TM9SF1: variants seen among roughly 807,000 people sequenced by gnomAD.
The protein encoded by TM9SF1 is transmembrane 9 superfamily member 1, also known as MP70 protein family member.
In TM9SF1, 25 loss-of-function variants were observed where a neutral mutation model predicts 52.4. That is an observed-to-expected ratio of 0.48 (90% CI 0.35 to 0.67). The LOEUF is 0.67. Among genes scored for constraint, TM9SF1 ranks in the 30% least tolerant of loss-of-function variants. TM9SF1 has a pLI of 0.01. For synonymous variants in TM9SF1, 284 were observed against 299.8 expected (o/e 0.95, Z 0.55); for missense variants, 604 against 780.3 (o/e 0.77, Z 2.69).
chr14:24,194,403 A>G lies in TM9SF1; in HGVS notation c.345+272T>C, dbSNP rs186291346. On this transcript the variant is annotated intron_variant, in intron 2 of 5. Transcript: ENST00000261789. ...GACTGATAGTTGGGACCTCATGACCAACAGAGAAGCTTGCAGTAAGAAACC... is the reference window on the plus strand; with the variant it reads ...GACTGATAGTTGGGACCTCATGACCGACAGAGAAGCTTGCAGTAAGAAACC... Among the ~76,000 whole-genome samples the G allele has an allele frequency of 4.1e-4, 62 of 152,366 alleles. 1 individual carries two copies. Among genetic ancestry groups the G allele is most frequent in the Non-Finnish European group, 7.9e-4 (54 of 68,034 alleles).
Position 24,192,769 on chromosome 14 carries a change from G to A in TM9SF1, c.846C>T (p.Asp282=). The A allele has an allele frequency of 6.2e-7, 1 of 1,614,188 alleles. No homozygotes were observed. Residue 282 remains aspartate (D), a synonymous_variant, in exon 3 of 6, where the codon GAC becomes GAT. Coordinates refer to ENST00000261789, the MANE Select transcript of TM9SF1 (RefSeq NM_006405.7). The surrounding 1 kb of genome is among the most constrained non-coding windows in gnomAD (Gnocchi z 4.0). Reference sequence around the variant, plus strand: ...TCCAGCCATTGTCACCCTGGTCAAAGTCATCACCAGAACCTGCAGAGGTGG... The same window carrying A: ...TCCAGCCATTGTCACCCTGGTCAAAATCATCACCAGAACCTGCAGAGGTGG... ...EETTSAGSGD[D]FDQGDNGWKI... is the part of the protein sequence containing the mutation.
chr14:24,192,083 A>AT lies in TM9SF1; in HGVS notation c.1153+87dup. The stretch of plus-strand genomic sequence containing the variant: ...GGCCTCGGTCTCCCAAAGTGCTAGG[A>AT]TTACAGGTGTGAGCCACTGTGACCA... On this transcript the variant is annotated intron_variant, in intron 4 of 5. Transcript: ENST00000261789. The surrounding 1 kb of genome is among the most constrained non-coding windows in gnomAD (Gnocchi z 4.0). The AT allele has an allele frequency of 2.9e-6, 4 of 1,369,720 alleles. No individual in the cohort carries two copies. Among genetic ancestry groups the AT allele is most frequent in the Non-Finnish European group, 3.1e-6 (3 of 965,240 alleles). 84.8% of individuals were successfully genotyped at this position (1,369,720 alleles called of 1,614,324 possible).
At chr14:24,193,953 T>C (rs1269003797) in intron 2 of TM9SF1, among the ~76,000 whole-genome samples, 2 of 146,782 alleles carry the variant, frequency 1.4e-5, no homozygotes, top group Non-Finnish European at 3.0e-5. Context: ...ATTACAGGAG[T>C]GAGCCACCAC....
rs2039337260 is a variant in TM9SF1, at chr14:24,192,518, G to C, written c.967+130C>G. The C allele has an allele frequency of 7.2e-7, 1 of 1,397,206 alleles. No homozygotes were observed. The highest frequency in any genetic ancestry group is 1.3e-5 in the South Asian group (1 of 74,534). 86.6% of individuals were successfully genotyped at this position (1,397,206 alleles called of 1,614,324 possible). ...TCTACAATAGAATACGTGCATTCTT[G>C]CTAGAGCCACCCTATCCCTTAGGTC... is the stretch of plus-strand genomic sequence containing the variant. On this transcript the variant is annotated intron_variant, in intron 3 of 5. Transcript: ENST00000261789. This position sits in a 1 kb window ranked among gnomAD's most constrained non-coding sequence, Gnocchi z 4.0.
At chr14:24,190,274 C>A in intron 5 of TM9SF1, 106 bp downstream of exon 5, 38 of 1,509,998 alleles carry the variant, frequency 2.5e-5, no homozygotes, top group Non-Finnish European at 3.0e-5. Context: ...AATGGTACCA[C>A]TGAACCAGGG....
At position 24,189,503 on chromosome 14, in the gene TM9SF1, TAACC is replaced by T; in HGVS notation, c.1729_1732del (p.Gly577MetfsTer16). ...GGTGCCCAGCATGAGGAAGAAGACATAACCAGTGAGTAAGGAGTAGCCGAAGAAC... is the reference window on the plus strand; with the variant it reads ...GGTGCCCAGCATGAGGAAGAAGACATAGTGAGTAAGGAGTAGCCGAAGAAC... On this transcript the variant is annotated frameshift_variant, in exon 6 of 6. Transcript: ENST00000261789. LOFTEE classifies it high-confidence loss of function. 1 of 1,614,082 alleles carries T rather than the reference TAACC, an allele frequency of 6.2e-7. No homozygotes were observed. Among genetic ancestry groups the T allele is most frequent in the South Asian group, 1.1e-5 (1 of 91,076 alleles).
chr14:24,193,303 G>C (rs564725965), intron 2 of TM9SF1, 34 bp from the exon 3 acceptor site: 2 of 1,555,644 alleles, frequency 1.3e-6, no homozygotes, highest in Non-Finnish European at 1.7e-6. Context: ...GGTCACACAA[G>C]ATCTCCCCAG....
rs1006689140 is a variant in TM9SF1, at chr14:24,192,712, G to A, written c.903C>T (p.Pro301=). ...CAGCACAGAGCAGACCACGGTATGG[G>A]GGGAAGCGGAAGACATCTGTATGGA... is the stretch of plus-strand genomic sequence containing the variant. ...KIIHTDVFRF[P]PYRGLLCAVL... The change falls in exon 3 of 6, where the codon CCC becomes CCT. Residue 301 remains proline (P), a synonymous_variant. Transcript: ENST00000261789. This position sits in a 1 kb window ranked among gnomAD's most constrained non-coding sequence, Gnocchi z 4.0. 1.2e-6 allele frequency: 2 copies of A among 1,611,942 alleles called. No individual in the cohort carries two copies. Among genetic ancestry groups the A allele is most frequent in the Non-Finnish European group, 8.5e-7 (1 of 1,178,688 alleles).
At chr14:24,195,270 C>T (rs1340390969) in intron 1 of TM9SF1, 76 bp downstream of exon 1, 1 of 507,778 alleles carries the variant, frequency 2.0e-6, no homozygotes, top group East Asian at 3.3e-5. Flanking sequence ...TACTACGCGC[C>T]CTGGCCCGTT....
In TM9SF1 at chr14:24,193,098, G is replaced by C. The variant is rs866796538; in HGVS notation, c.517C>G (p.Arg173Gly). Residue 173 changes from arginine to glycine, a missense_variant, in exon 3 of 6, where the codon CGA (arginine) becomes GGA (glycine). Around this residue, in one of 3 missense-constraint regions of TM9SF1, gnomAD observed 450 missense variants for 560.1 expected, o/e 0.80. Coordinates refer to ENST00000261789, the MANE Select transcript of TM9SF1 (RefSeq NM_006405.7). ...LDFHLEFHGD[R>G]IIFANVSVRD... is the part of the protein sequence containing the mutation. Reference sequence around the variant, plus strand: ...ACTGAAACATTGGCAAATATAATTCGGTCTCCATGGAATTCTAGGTGGAAG... The same window carrying C: ...ACTGAAACATTGGCAAATATAATTCCGTCTCCATGGAATTCTAGGTGGAAG... 1.2e-6 allele frequency: 2 copies of C among 1,613,980 alleles called. No individual in the cohort carries two copies. Among genetic ancestry groups the C allele is most frequent in the African/African-American group, 1.3e-5 (1 of 74,886 alleles).
intron 2 of TM9SF1, 60 bp from the exon 3 acceptor site, chr14:24,193,329 A>T (rs2039352020): frequency 1.3e-6 from 2 of 1,513,098 alleles, no homozygotes; most frequent in Admixed American, 4.3e-5. Flanking sequence ...GAGTTACAGC[A>T]AAGTTTCTCA....
At chr14:24,190,102 T>C in intron 5 of TM9SF1, 1 of 1,358,440 alleles carries the variant, frequency 7.4e-7, no homozygotes, top group Non-Finnish European at 9.4e-7. Flanking sequence ...AAATGGGTCA[T>C]CAAATGGGCT....
Position 24,189,336 on chromosome 14 carries a change from A to G in TM9SF1, c.*79T>C, listed in dbSNP as rs552632599. 7 of 1,460,186 alleles carry G rather than the reference A, an allele frequency of 4.8e-6. No individual in the cohort carries two copies. In the African/African-American group the frequency reaches 8.5e-5, roughly 18 times the overall value. The allele number at this position is 1,460,186 out of a possible 1,614,324, so 90.5% of individuals were successfully genotyped here. A position where few individuals can be genotyped will look rare whatever the true frequency, so the allele number is the denominator to read the frequency against. ...ACAATGCCATCACACAATTCAGTCA[A>G]TCAGAAGAGAAGCTGGTAGGAGAGT... On this transcript the variant is annotated 3_prime_UTR_variant, in exon 6 of 6. Transcript: ENST00000261789.
At chr14:24,193,486 C>T (rs569652325) in intron 2 of TM9SF1, among the ~76,000 whole-genome samples, 2 of 152,068 alleles carry the variant, frequency 1.3e-5, no homozygotes, top group East Asian at 3.9e-4. Flanking sequence ...CCTGCCTCAG[C>T]CTCCCGAGTA....
In TM9SF1 at chr14:24,195,036, C is replaced by A; in HGVS notation, c.-17G>T. 1 of 1,607,292 alleles carries A rather than the reference C, an allele frequency of 6.2e-7. No homozygotes were observed. The highest frequency in any genetic ancestry group is 8.5e-7 in the Non-Finnish European group (1 of 1,175,082). ...GACTGTCATCCTTAAGGCAGTGGAACCTGTTTGGGGGAATCCTGAGGTTAT... is the reference window on the plus strand; with the variant it reads ...GACTGTCATCCTTAAGGCAGTGGAAACTGTTTGGGGGAATCCTGAGGTTAT... On this transcript the variant is annotated splice_region_variant and 5_prime_UTR_variant, in exon 2 of 6. Transcript: ENST00000261789.
chr14:24,189,983 T>C, intron 5 of TM9SF1, 175 bp from the exon 6 acceptor site: 1 of 1,394,172 alleles, frequency 7.2e-7, no homozygotes, highest in Non-Finnish European at 9.3e-7. Flanking sequence ...TGCCTATGAT[T>C]AGCCGCTCTC....
rs74317759 is a variant in TM9SF1, at chr14:24,189,436, A to G, written c.1800T>C (p.Tyr600=). ...GAACTCAGTCCATCTTGAGGTTAAC[A>G]TAGATATACCGGATGAACTTTAGGG... ...FSSLKFIRYI[Y]VNLKMD is the part of the protein sequence containing the mutation. The change falls in exon 6 of 6, where the codon TAT becomes TAC. Residue 600 remains tyrosine, a synonymous_variant. Transcript: ENST00000261789. The G allele has an allele frequency of 2.1e-3, 3,324 of 1,613,768 alleles. 10 individuals carry two copies. Among genetic ancestry groups the G allele is most frequent in the Non-Finnish European group, 2.0e-3 (2,328 of 1,179,878 alleles).
rs535031807 is a variant in TM9SF1 at position 24,195,426 on chromosome 14, C to G, written c.-98G>C. On this transcript the variant is annotated 5_prime_UTR_variant, in exon 1 of 6. Coordinates refer to ENST00000261789, the MANE Select transcript of TM9SF1 (RefSeq NM_006405.7). ...CCTTTGGGCTCCTGCTGGGGTCTCT[C>G]CCACAGCGGCGCGGTAGCGGCGGGT... 21 of 192,212 alleles carry G rather than the reference C, an allele frequency of 1.1e-4. No homozygotes were observed. In the South Asian group the frequency reaches 2.1e-3, roughly 19 times the overall value. The allele number at this position is 192,212 out of a possible 1,614,324, so 11.9% of individuals were successfully genotyped here. A position where few individuals can be genotyped will look rare whatever the true frequency, so the allele number is the denominator to read the frequency against.
Position 24,189,314 on chromosome 14 carries a change from A to C in TM9SF1, c.*101T>G, listed in dbSNP as rs1306695682. On this transcript the variant is annotated 3_prime_UTR_variant, in exon 6 of 6. Transcript: ENST00000261789. The stretch of plus-strand genomic sequence containing the variant: ...CCAAAGGGCAAAAGGGAAGGCAACA[A>C]TGCCATCACACAATTCAGTCAATCA... The C allele has an allele frequency of 8.3e-6, 11 of 1,332,424 alleles. No individual in the cohort carries two copies. In the East Asian group the frequency reaches 2.5e-4, roughly 31 times the overall value. The allele number at this position is 1,332,424 out of a possible 1,614,324, so 82.5% of individuals were successfully genotyped here.
Sources: gnomAD v4.1 joint callset for allele counts (sites outside exome capture counted in the v4.1 genomes callset) on GRCh38, gnomAD v4.1.1 for gene constraint, gnomAD v4.1.1 regional missense constraint, Gnocchi (gnomAD v3.1) non-coding constraint, MANE v1.5 for transcripts, NCBI Gene and HGNC (gene_info 2026-07-23, HGNC 2026-07-21) for gene names.